The following WDR25 variants were observed in gnomAD, a reference collection of about 807,000 sequenced individuals.
WDR25 encodes WD repeat-containing protein 25.
WDR25 carries 35 observed loss-of-function variants against 47.7 expected under a neutral mutation model. That is an observed-to-expected ratio of 0.73 (90% CI 0.56 to 0.97). The LOEUF (loss-of-function observed/expected upper bound fraction) is 0.97. Among genes scored for constraint, WDR25 ranks in the 50% least tolerant of loss-of-function variants. WDR25 has a pLI of 0.00. For synonymous variants in WDR25, 248 were observed against 278.9 expected (o/e 0.89, Z 1.10); for missense variants, 634 against 704.7 (o/e 0.90, Z 1.14).
chr14:100,391,683 C>T (rs144719295), intron 2 of WDR25, among the ~76,000 whole-genome samples: 32 of 151,708 alleles, frequency 2.1e-4, no homozygotes, highest in African/African-American at 6.8e-4. Context: ...CATAGTTGAG[C>T]TCCAACTATA....
At chr14:100,513,237 G>C (rs373552641) in intron 4 of WDR25, among the ~76,000 whole-genome samples, 5 of 152,166 alleles carry the variant, frequency 3.3e-5, no homozygotes, top group Non-Finnish European at 7.3e-5. Flanking sequence ...ATGGTATTAG[G>C]GGGTGGGGGC....
chr14:100,401,042 C>T (rs556059108), intron 2 of WDR25, among the ~76,000 whole-genome samples: 72 of 152,206 alleles, frequency 4.7e-4, no homozygotes, highest in Non-Finnish European at 9.7e-4. Context: ...AATAAAACAT[C>T]AGTGAGTGAA....
At chr14:100,476,148 A>G (rs1900009312) in intron 3 of WDR25, among the ~76,000 whole-genome samples, 1 of 152,176 alleles carries the variant, frequency 6.6e-6, no homozygotes, top group South Asian at 2.1e-4. Flanking sequence ...TCCTGAGTCT[A>G]CAGATGAGGA....
chr14:100,479,962 C>T (rs1016160849), intron 3 of WDR25, among the ~76,000 whole-genome samples: 5 of 152,144 alleles, frequency 3.3e-5, no homozygotes, highest in African/African-American at 9.7e-5. Context: ...AGTTTCATCC[C>T]GAAAGCACCC....
In WDR25 at chr14:100,530,268, ATG is replaced by A; in HGVS notation, c.*233_*234del. 1.8e-6 allele frequency: 1 copy of A among 558,434 alleles called. No individual in the cohort carries two copies. The highest frequency in any genetic ancestry group is 3.2e-6 in the Non-Finnish European group (1 of 315,794). 34.6% of individuals were successfully genotyped at this position (558,434 alleles called of 1,614,324 possible). ...GCGGGCAGCCGGCGATGCCCAATAAATGTGTGTTTTGCTGTTTGTTAAGTGAT... is the reference window on the plus strand; with the variant it reads ...GCGGGCAGCCGGCGATGCCCAATAAATGTGTTTTGCTGTTTGTTAAGTGAT... On this transcript the variant is annotated 3_prime_UTR_variant, in exon 7 of 7. Coordinates refer to ENST00000402312, the MANE Select transcript of WDR25 (RefSeq NM_001161476.3).
intron 4 of WDR25, among the ~76,000 whole-genome samples, chr14:100,516,140 G>A (rs956282550): frequency 6.6e-6 from 1 of 151,936 alleles, no homozygotes; most frequent in Non-Finnish European, 1.5e-5. Flanking sequence ...TTTTGGATGC[G>A]GTTGTATTGC....
chr14:100,505,670 T>C (rs1901087141), intron 4 of WDR25, among the ~76,000 whole-genome samples: 1 of 152,196 alleles, frequency 6.6e-6, no homozygotes, highest in Non-Finnish European at 1.5e-5. Context: ...ATTGACATCT[T>C]AATAATGTTG....
chr14:100,512,639 T>C (rs1901345904), intron 4 of WDR25, among the ~76,000 whole-genome samples: 1 of 152,202 alleles, frequency 6.6e-6, no homozygotes, highest in Non-Finnish European at 1.5e-5. Flanking sequence ...ACCTTGAATT[T>C]AATTTTCTTT....
intron 2 of WDR25, among the ~76,000 whole-genome samples, chr14:100,414,470 G>T (rs1412078195): frequency 2.0e-5 from 3 of 151,434 alleles, no homozygotes; most frequent in African/African-American, 7.3e-5. Flanking sequence ...ATGCCACCAT[G>T]CCCGGCTAAT....
intron 4 of WDR25, among the ~76,000 whole-genome samples, chr14:100,518,461 G>GT (rs1259630046): frequency 3.3e-5 from 5 of 151,556 alleles, no homozygotes; most frequent in Non-Finnish European, 5.9e-5. Flanking sequence ...TTTGTATTGT[G>GT]TTTTTTCTTT....
At chr14:100,447,322 G>A (rs929379263) in intron 2 of WDR25, among the ~76,000 whole-genome samples, 1 of 152,160 alleles carries the variant, frequency 6.6e-6, no homozygotes, top group South Asian at 2.1e-4. Flanking sequence ...AATCTACAAC[G>A]ATTTTAATTT....
At chr14:100,386,271 A>G (rs1308521818) in intron 2 of WDR25, among the ~76,000 whole-genome samples, 1 of 152,210 alleles carries the variant, frequency 6.6e-6, no homozygotes, top group Non-Finnish European at 1.5e-5. Flanking sequence ...CCCAACCCCA[A>G]GTCAGTGCCT....
intron 3 of WDR25, among the ~76,000 whole-genome samples, chr14:100,478,259 G>A (rs1900084747): frequency 6.6e-6 from 1 of 152,224 alleles, no homozygotes; most frequent in Non-Finnish European, 1.5e-5. Flanking sequence ...AAGGCTTCAT[G>A]CACCGCGTTA....
intron 3 of WDR25, among the ~76,000 whole-genome samples, chr14:100,477,626 C>T (rs552325902): frequency 1.3e-5 from 2 of 152,320 alleles, no homozygotes; most frequent in East Asian, 1.9e-4. Flanking sequence ...TTAAGACCTT[C>T]TCCTCTGGCA....
chr14:100,484,223 A>T, intron 4 of WDR25, 99 bp downstream of exon 4: 1 of 1,326,286 alleles, frequency 7.5e-7, no homozygotes, highest in Non-Finnish European at 1.0e-6. Context: ...AGGACCCTTG[A>T]GGTGGAATAA....
intron 2 of WDR25, among the ~76,000 whole-genome samples, chr14:100,419,097 C>G (rs1897956433): frequency 1.3e-5 from 2 of 151,796 alleles, no homozygotes. Flanking sequence ...TGGTGCACAC[C>G]TGTAATCACA....
chr14:100,417,885 T>TTA (rs1897913726), intron 2 of WDR25, among the ~76,000 whole-genome samples: 1 of 152,128 alleles, frequency 6.6e-6, no homozygotes, highest in Non-Finnish European at 1.5e-5. Context: ...GCCTGGCTAC[T>TTA]TAGGCTCTTG....
chr14:100,444,418 A>G (rs1249220105), intron 2 of WDR25, among the ~76,000 whole-genome samples: 1 of 152,190 alleles, frequency 6.6e-6, no homozygotes, highest in Non-Finnish European at 1.5e-5. Context: ...TAAAGCATAT[A>G]GTGAAGGGTA....
chr14:100,498,723 C>T lies in WDR25; in HGVS notation c.1101+14599C>T, dbSNP rs920692560. Reference sequence around the variant, plus strand: ...GTGAGGTTGTGCAGTCTGTACAGTGCAGAGAGGCACCTTGCTGAGGGATAG... The same window carrying T: ...GTGAGGTTGTGCAGTCTGTACAGTGTAGAGAGGCACCTTGCTGAGGGATAG... On this transcript the variant is annotated intron_variant, in intron 4 of 6. Coordinates refer to ENST00000402312, the MANE Select transcript of WDR25 (RefSeq NM_001161476.3). This position sits in a 1 kb window ranked among gnomAD's most constrained non-coding sequence, Gnocchi z 4.2. 5.9e-5 allele frequency among the ~76,000 whole-genome samples: 9 copies of T among 152,210 alleles called. No individual in the cohort carries two copies. The highest frequency in any genetic ancestry group is 1.0e-4 in the Non-Finnish European group (7 of 68,034).
Sources: allele counts gnomAD v4.1 joint callset (sites outside exome capture counted in the v4.1 genomes callset), GRCh38; gene constraint gnomAD v4.1.1; non-coding constraint Gnocchi (gnomAD v3.1); transcripts MANE v1.5; gene names NCBI Gene and HGNC (gene_info 2026-07-23, HGNC 2026-07-21).